C4orf36: variants seen among roughly 807,000 people sequenced by gnomAD.
C4orf36 encodes the protein uncharacterized protein C4orf36.
Under a neutral mutation model 12.2 loss-of-function variants are expected in C4orf36, and 11 were observed. The ratio of observed to expected loss-of-function variants is 0.90; its 90% CI spans 0.57 to 1.49. C4orf36 has a LOEUF of 1.49. C4orf36 is among the 40% of genes most tolerant of loss of function. C4orf36 has a pLI of 0.00. For synonymous variants in C4orf36, 54 were observed against 51.3 expected (o/e 1.05, Z -0.22); for missense variants, 137 against 133.9 (o/e 1.02, Z -0.11).
the C4orf36 span, chr4:86,935,736 GAGC>G: frequency 6.6e-6 from 1 of 152,358 alleles, no homozygotes; most frequent in African/African-American, 2.4e-5. Flanking sequence ...GTCTCGCTGA[GAGC>G]AGGAGGGAGG....
the C4orf36 span, chr4:86,914,864 G>T: frequency 2.5e-6 from 1 of 397,896 alleles, no homozygotes; most frequent in East Asian, 9.7e-5. Context: ...GGGGGAGTCC[G>T]GACGGGCTTG....
the C4orf36 span, chr4:86,934,620 A>T: frequency 6.6e-6 from 1 of 152,316 alleles, no homozygotes; most frequent in South Asian, 2.1e-4. Context: ...GATGTTAGTT[A>T]TTATCTCCTT....
At chr4:86,930,823 G>A in the C4orf36 span, among the ~76,000 whole-genome samples, 15 of 152,240 alleles carry the variant, frequency 9.9e-5, no homozygotes, top group East Asian at 2.9e-3. Flanking sequence ...CACGTTTTCT[G>A]CAAAGTATTC....
chr4:86,879,276 G>C (rs1040130418), intron 4 of C4orf36, among the ~76,000 whole-genome samples: 1 of 152,134 alleles, frequency 6.6e-6, no homozygotes, highest in African/African-American at 2.4e-5. Flanking sequence ...GATGCTAAGT[G>C]AGCTAACAGA....
the C4orf36 span, among the ~76,000 whole-genome samples, chr4:86,900,735 G>A: frequency 6.6e-6 from 1 of 152,126 alleles, no homozygotes; most frequent in African/African-American, 2.4e-5. Flanking sequence ...AATCAGGCTG[G>A]ACTTCAACAC....
At chr4:86,899,971 T>C in the C4orf36 span, among the ~76,000 whole-genome samples, 1 of 151,988 alleles carries the variant, frequency 6.6e-6, no homozygotes, top group East Asian at 1.9e-4. Context: ...AATGACTTTG[T>C]AGTAAGTTTC....
the C4orf36 span, among the ~76,000 whole-genome samples, chr4:86,900,773 G>A: frequency 6.6e-6 from 1 of 152,100 alleles, no homozygotes; most frequent in Non-Finnish European, 1.5e-5. Flanking sequence ...ATAGCTAACA[G>A]CACAGTGAGG....
At chr4:86,912,030 TTTTG>T in the C4orf36 span, among the ~76,000 whole-genome samples, 5 of 152,048 alleles carry the variant, frequency 3.3e-5, no homozygotes, top group East Asian at 5.8e-4. Context: ...CCAGATAATT[TTTTG>T]TTTGTTTGTT....
chr4:86,879,864 T>TCA (rs1747007118), intron 4 of C4orf36, among the ~76,000 whole-genome samples: 1 of 150,520 alleles, frequency 6.6e-6, no homozygotes, highest in Non-Finnish European at 1.5e-5. Context: ...TTTTTTTTTT[T>TCA]TTTTGAGATA....
the C4orf36 span, chr4:86,935,666 C>T: frequency 6.6e-6 from 1 of 152,280 alleles, no homozygotes; most frequent in Non-Finnish European, 1.5e-5. Flanking sequence ...GTTCTTCTCT[C>T]CTGCACCCCG....
At chr4:86,927,931 G>A in the C4orf36 span, among the ~76,000 whole-genome samples, 6 of 152,330 alleles carry the variant, frequency 3.9e-5, no homozygotes, top group East Asian at 7.7e-4. Flanking sequence ...AGTGGAGGTT[G>A]CTGTAATGGT....
chr4:86,884,386 C>G (rs568136585), intron 4 of C4orf36, among the ~76,000 whole-genome samples: 2 of 149,730 alleles, frequency 1.3e-5, no homozygotes, highest in East Asian at 4.0e-4. Context: ...CTCAATGCAG[C>G]GTCAAACTAC....
intron 4 of C4orf36, among the ~76,000 whole-genome samples, chr4:86,880,060 C>T (rs1747014829): frequency 6.6e-6 from 1 of 152,102 alleles, no homozygotes; most frequent in Non-Finnish European, 1.5e-5. Flanking sequence ...CACCGTATTG[C>T]TCAAGCTGTT....
In C4orf36 at chr4:86,887,749, T is replaced by G. The variant is rs770928308; in HGVS notation, c.*2+9A>C. 3 of 1,614,174 alleles carry G rather than the reference T, an allele frequency of 1.9e-6. No individual in the cohort carries two copies. The highest frequency in any genetic ancestry group is 2.5e-6 in the Non-Finnish European group (3 of 1,180,008). On this transcript the variant is annotated intron_variant, in intron 4 of 4. Transcript: ENST00000295898. ...AAGACACAGAGTACAGATTCAATCA[T>G]GAACTGACTGTCATTTAGATGGAAG...
intron 4 of C4orf36, among the ~76,000 whole-genome samples, chr4:86,878,015 G>C (rs1341058397): frequency 6.6e-6 from 1 of 152,132 alleles, no homozygotes; most frequent in African/African-American, 2.4e-5. Context: ...TAGAGACATA[G>C]AGATTCATTT....
At chr4:86,934,129 T>C in the C4orf36 span, among the ~76,000 whole-genome samples, 1 of 150,502 alleles carries the variant, frequency 6.6e-6, no homozygotes, top group African/African-American at 2.5e-5. Flanking sequence ...TAAATTTAAG[T>C]AAGGCGCTTT....
chr4:86,912,911 T>A, the C4orf36 span, among the ~76,000 whole-genome samples: 1 of 145,296 alleles, frequency 6.9e-6, no homozygotes, highest in East Asian at 2.0e-4. Flanking sequence ...TTCGCTTTTC[T>A]TTTTTTTTTT....
At chr4:86,904,106 C>G in the C4orf36 span, among the ~76,000 whole-genome samples, 1 of 152,272 alleles carries the variant, frequency 6.6e-6, no homozygotes, top group African/African-American at 2.4e-5. Context: ...CACGCTGGCA[C>G]TCGCCGGGAC....
At chr4:86,901,697 A>C in the C4orf36 span, among the ~76,000 whole-genome samples, 5 of 151,824 alleles carry the variant, frequency 3.3e-5, no homozygotes, top group Admixed American at 3.3e-4. Context: ...AGGCGTGAGC[A>C]ACCGCGCCCG....
Sources: gnomAD v4.1 joint callset for allele counts (sites outside exome capture counted in the v4.1 genomes callset) on GRCh38, gnomAD v4.1.1 for gene constraint, MANE v1.5 for transcripts, NCBI Gene and HGNC (gene_info 2026-07-23, HGNC 2026-07-21) for gene names.